The following SNTG1 variants were observed in gnomAD, a reference collection of about 807,000 sequenced individuals.
The protein encoded by SNTG1 is syntrophin gamma 1.
A neutral mutation model predicts 74.7 loss-of-function variants in SNTG1; 39 were observed. That is an observed-to-expected ratio of 0.52 (90% CI 0.40 to 0.68). The LOEUF is 0.68. Ranked by LOEUF, SNTG1 falls within the 30% of genes least tolerant of loss-of-function variation. SNTG1 has a pLI of 0.00. For missense variants in SNTG1, 685 were observed against 609.5 expected (o/e 1.12, Z -1.30); for synonymous variants, 254 against 217.1 (o/e 1.17, Z -1.49).
chr8:50,796,561 G>C lies in SNTG1; in HGVS notation c.*3732G>C, dbSNP rs57783402. The C allele has an allele frequency of 6.6e-6, 1 of 151,842 alleles. No individual in the cohort carries two copies. Among genetic ancestry groups the C allele is most frequent in the Admixed American group, 6.6e-5 (1 of 15,228 alleles). 9.4% of individuals were successfully genotyped at this position (151,842 alleles called of 1,614,324 possible). ...TTTTTAATTGTTTTGGTGGATGTTT[G>C]TAAAATGTAAATTAATATCTGTGAC... On this transcript the variant is annotated 3_prime_UTR_variant, in exon 19 of 19. Transcript: ENST00000642720.
intron 2 of SNTG1, among the ~76,000 whole-genome samples, chr8:50,204,782 A>G (rs547993243): frequency 2.0e-5 from 3 of 151,798 alleles, no homozygotes; most frequent in Admixed American, 6.6e-5. Flanking sequence ...AGGTGTTCTC[A>G]TTGTTCAATT....
chr8:50,431,190 G>T (rs1485474212), intron 4 of SNTG1, among the ~76,000 whole-genome samples: 2 of 152,082 alleles, frequency 1.3e-5, no homozygotes, highest in Non-Finnish European at 2.9e-5. Flanking sequence ...AAAGTTCTAT[G>T]GGCTTTGACA....
chr8:50,768,966 A>G (rs1585746543), intron 18 of SNTG1, among the ~76,000 whole-genome samples: 2 of 152,066 alleles, frequency 1.3e-5, no homozygotes. Flanking sequence ...GGTGAAGAAG[A>G]TATCTGGACA....
At chr8:50,614,560 A>G (rs1462318220) in intron 13 of SNTG1, among the ~76,000 whole-genome samples, 2 of 152,140 alleles carry the variant, frequency 1.3e-5, no homozygotes, top group African/African-American at 4.8e-5. Flanking sequence ...TAACATTTGT[A>G]GTTATTTTTA....
intron 12 of SNTG1, among the ~76,000 whole-genome samples, chr8:50,567,137 G>T (rs2094520687): frequency 6.6e-6 from 1 of 152,028 alleles, no homozygotes; most frequent in African/African-American, 2.4e-5. Context: ...AAAATTAGTT[G>T]AAATAAAATT....
chr8:50,048,320 A>T (rs936421057), intron 1 of SNTG1, among the ~76,000 whole-genome samples: 1 of 152,214 alleles, frequency 6.6e-6, no homozygotes, highest in Non-Finnish European at 1.5e-5. Flanking sequence ...CATGCCCAGC[A>T]TTCACAGTAA....
intron 17 of SNTG1, among the ~76,000 whole-genome samples, chr8:50,715,637 C>G (rs1383293805): frequency 6.6e-6 from 1 of 152,018 alleles, no homozygotes; most frequent in African/African-American, 2.4e-5. Context: ...CTCTTTATCT[C>G]CTTTATTAGC....
intron 18 of SNTG1, among the ~76,000 whole-genome samples, chr8:50,775,462 GTTTC>G (rs2095638092): frequency 6.6e-6 from 1 of 151,222 alleles, no homozygotes; most frequent in Admixed American, 6.6e-5. Flanking sequence ...TTTTCTTTCT[GTTTC>G]TTTCTTCTCT....
At position 50,656,971 on chromosome 8, in the gene SNTG1, C is replaced by T. The variant is rs768148031; in HGVS notation, c.912C>T (p.Ser304=). The T allele has an allele frequency of 1.9e-6, 3 of 1,596,620 alleles. No homozygotes were observed. The highest frequency in any genetic ancestry group is 2.3e-5 in the East Asian group (1 of 43,796). The part of the protein sequence containing the change: ...EQDPLQDRVY[S]PTFLALRGSC... Reference sequence around the variant, plus strand: ...ACCCCCTCCAGGACAGAGTGTACTCCCCGACCTTCCTGGCCCTGAGGGGCT... The same window carrying T: ...ACCCCCTCCAGGACAGAGTGTACTCTCCGACCTTCCTGGCCCTGAGGGGCT... Residue 304 remains serine (S), a synonymous_variant, in exon 14 of 19, where the codon TCC becomes TCT. Transcript: ENST00000642720.
chr8:50,155,960 A>G (rs2082240725), intron 1 of SNTG1, among the ~76,000 whole-genome samples: 1 of 152,020 alleles, frequency 6.6e-6, no homozygotes, highest in South Asian at 2.1e-4. Context: ...CTACATATAT[A>G]GAAGTGTAAA....
chr8:50,609,550 G>A (rs2094835934), intron 13 of SNTG1, among the ~76,000 whole-genome samples: 3 of 151,866 alleles, frequency 2.0e-5, no homozygotes, highest in Admixed American at 2.0e-4. Context: ...TGAATTTCTT[G>A]AATCTCCAGA....
intron 2 of SNTG1, among the ~76,000 whole-genome samples, chr8:50,309,871 C>T (rs2090040080): frequency 6.6e-6 from 1 of 152,190 alleles, no homozygotes. Context: ...TCGCTGTCCG[C>T]AAACTCCATT....
intron 1 of SNTG1, among the ~76,000 whole-genome samples, chr8:50,116,231 C>T (rs1466197428): frequency 6.6e-6 from 1 of 152,112 alleles, no homozygotes; most frequent in Non-Finnish European, 1.5e-5. Flanking sequence ...GACCCCATGC[C>T]CTGAAACATA....
chr8:50,632,818 A>G (rs2095011260), intron 13 of SNTG1, among the ~76,000 whole-genome samples: 1 of 152,180 alleles, frequency 6.6e-6, no homozygotes, highest in Admixed American at 6.5e-5. Flanking sequence ...GGGAAGGTTT[A>G]GGCTATCAGT....
At chr8:50,127,912 C>G (rs1044274755) in intron 1 of SNTG1, among the ~76,000 whole-genome samples, 1 of 152,124 alleles carries the variant, frequency 6.6e-6, no homozygotes, top group Non-Finnish European at 1.5e-5. Context: ...CTGCATTAAA[C>G]ATGCCTTTTA....
chr8:50,701,746 T>C (rs2095426012), intron 15 of SNTG1, among the ~76,000 whole-genome samples: 1 of 61,598 alleles, frequency 1.6e-5, no homozygotes, highest in Non-Finnish European at 3.6e-5. Flanking sequence ...CTTTTTCTTC[T>C]CCTTCTTCTC....
chr8:50,396,242 G>C (rs2092727249), intron 3 of SNTG1, among the ~76,000 whole-genome samples: 1 of 152,172 alleles, frequency 6.6e-6, no homozygotes, highest in African/African-American at 2.4e-5. Flanking sequence ...TCACTCATGT[G>C]AGATATAGCT....
intron 1 of SNTG1, among the ~76,000 whole-genome samples, chr8:50,093,013 A>C (rs1332134951): frequency 6.6e-6 from 1 of 152,154 alleles, no homozygotes; most frequent in Non-Finnish European, 1.5e-5. Context: ...GAGAATTCTC[A>C]AGAGCAAATA....
At chr8:50,085,994 G>A (rs867205166) in intron 1 of SNTG1, among the ~76,000 whole-genome samples, 12 of 151,794 alleles carry the variant, frequency 7.9e-5, no homozygotes, top group South Asian at 4.1e-4. Flanking sequence ...TTTGTCTTAT[G>A]ATGAGTTCAT....
Sources: allele counts gnomAD v4.1 joint callset (sites outside exome capture counted in the v4.1 genomes callset), GRCh38; gene constraint gnomAD v4.1.1; transcripts MANE v1.5; gene names NCBI Gene and HGNC (gene_info 2026-07-23, HGNC 2026-07-21).